HTR2C: variants seen among roughly 807,000 people sequenced by gnomAD.
HTR2C encodes 5-hydroxytryptamine (serotonin) receptor 2C, G protein-coupled.
In HTR2C, 5 loss-of-function variants were observed where a neutral mutation model predicts 21.0. The observed-to-expected ratio is 0.24, with a 90% CI of 0.12 to 0.50. HTR2C has a LOEUF of 0.50. Among genes scored for constraint, HTR2C ranks in the 20% least tolerant of loss-of-function variants. The pLI, the probability that HTR2C is intolerant of heterozygous loss-of-function variation, is 0.98. For missense variants in HTR2C, 271 were observed against 371.2 expected, an observed-to-expected ratio of 0.73 and a Z score of 2.22; for synonymous variants, 150 against 145.3, an observed-to-expected ratio of 1.03 and a Z score of -0.23.
At chrX:114,701,647 A>G (rs1471603174) in intron 2 of HTR2C, among the ~76,000 whole-genome samples, 2 of 112,319 alleles carry the variant, frequency 1.8e-5, no homozygotes, top group East Asian at 5.6e-4. Context: ...TCTAAAAAGC[A>G]GAGCACCTCT....
At chrX:114,791,681 G>C (rs1556443649) in intron 4 of HTR2C, among the ~76,000 whole-genome samples, 1 of 110,740 alleles carries the variant, frequency 9.0e-6, no homozygotes, top group East Asian at 2.8e-4. Context: ...ACTAGGTGCT[G>C]GGTTTACAGT....
intron 2 of HTR2C, among the ~76,000 whole-genome samples, chrX:114,662,124 G>A (rs1931011579): frequency 9.0e-6 from 1 of 111,532 alleles, no homozygotes; most frequent in South Asian, 3.7e-4. Context: ...ATATTCGGTA[G>A]GAATACAAAA....
intron 5 of HTR2C, among the ~76,000 whole-genome samples, chrX:114,880,276 T>C (rs1345311014): frequency 9.0e-6 from 1 of 110,834 alleles, no homozygotes; most frequent in African/African-American, 3.3e-5. Context: ...TCTGGACATT[T>C]CTTATAAATG....
Position 114,829,691 on chromosome X carries a change from G to A in HTR2C, c.350-18312G>A, listed in dbSNP as rs1006936133. Among the ~76,000 whole-genome samples the A allele has an allele frequency of 8.1e-5, 9 of 111,389 alleles. No individual in the cohort carries two copies. In the Admixed American group the frequency reaches 8.6e-4, roughly 11 times the overall value. On this transcript the variant is annotated intron_variant, in intron 4 of 5. Coordinates refer to ENST00000276198, the MANE Select transcript of HTR2C (RefSeq NM_000868.4). The stretch of plus-strand genomic sequence containing the variant: ...AGGGTTCAACTTCAATCTTTTGCAC[G>A]TGATATCTACATGCAATTTTCCCAG...
intron 2 of HTR2C, among the ~76,000 whole-genome samples, chrX:114,619,687 A>G (rs2147809456): frequency 9.0e-6 from 1 of 111,392 alleles, no homozygotes; most frequent in South Asian, 3.8e-4. Context: ...TTCTGGGATC[A>G]GGGAAGACTT....
intron 5 of HTR2C, among the ~76,000 whole-genome samples, chrX:114,906,191 G>A (rs782207453): frequency 2.9e-4 from 32 of 111,998 alleles, no homozygotes; most frequent in African/African-American, 1.0e-3. Flanking sequence ...CTTTATTAAT[G>A]TCATCAAGTA....
chrX:114,731,622 A>G lies in HTR2C; in HGVS notation c.349+15A>G, dbSNP rs1209369630. On this transcript the variant is annotated intron_variant, in intron 4 of 5. Transcript: ENST00000276198. Reference sequence around the variant, plus strand: ...AATCCTTTATGGTAAGTACAATTTTATTCACTTTTCAATCTCGTATAATGT... The same window carrying G: ...AATCCTTTATGGTAAGTACAATTTTGTTCACTTTTCAATCTCGTATAATGT... The G allele has an allele frequency of 9.0e-7, 1 of 1,105,466 alleles. No homozygotes were observed. The highest frequency in any genetic ancestry group is 1.2e-6 in the Non-Finnish European group (1 of 813,029). 91.1% of individuals were successfully genotyped at this position (1,105,466 alleles called of 1,213,427 possible). A position where few individuals can be genotyped will look rare whatever the true frequency, so the allele number is the denominator to read the frequency against.
chrX:114,834,752 T>C (rs1272775090), intron 4 of HTR2C, among the ~76,000 whole-genome samples: 23 of 107,364 alleles, frequency 2.1e-4, no homozygotes, highest in African/African-American at 7.8e-4. Flanking sequence ...GTCATTATGA[T>C]GTTAGCTGGG....
intron 2 of HTR2C, among the ~76,000 whole-genome samples, chrX:114,615,881 G>T (rs1423043018): frequency 9.0e-6 from 1 of 111,597 alleles, no homozygotes; most frequent in African/African-American, 3.3e-5. Context: ...TCATAATGTG[G>T]CAATATCTTA....
At chrX:114,842,437 T>C (rs2070841842) in intron 4 of HTR2C, among the ~76,000 whole-genome samples, 1 of 112,352 alleles carries the variant, frequency 8.9e-6, no homozygotes, top group Non-Finnish European at 1.9e-5. Flanking sequence ...GGCACAAGCA[T>C]TGTTTGCAAC....
At chrX:114,881,597 A>G (rs1364608354) in intron 5 of HTR2C, among the ~76,000 whole-genome samples, 16 of 109,514 alleles carry the variant, frequency 1.5e-4, no homozygotes, top group African/African-American at 4.9e-4. Context: ...TGAAAAGACT[A>G]TTATTTCCTT....
intron 2 of HTR2C, among the ~76,000 whole-genome samples, chrX:114,654,678 A>G (rs1930718194): frequency 9.1e-6 from 1 of 110,486 alleles, no homozygotes. Flanking sequence ...CCCTCCCTTC[A>G]AAGAGATAAC....
chrX:114,692,840 G>A (rs1243261365), intron 2 of HTR2C, among the ~76,000 whole-genome samples: 5 of 111,466 alleles, frequency 4.5e-5, no homozygotes, highest in African/African-American at 1.6e-4. Context: ...TTCTTTGAAA[G>A]CCAATGGCTC....
intron 4 of HTR2C, among the ~76,000 whole-genome samples, chrX:114,798,838 T>A (rs1371256343): frequency 9.0e-6 from 1 of 111,403 alleles, no homozygotes; most frequent in African/African-American, 3.3e-5. Context: ...CTACCTTATA[T>A]GTCTAAATCC....
intron 4 of HTR2C, among the ~76,000 whole-genome samples, chrX:114,752,047 A>G (rs2147368323): frequency 8.9e-6 from 1 of 112,483 alleles, no homozygotes; most frequent in Admixed American, 9.4e-5. Context: ...CAGACATATC[A>G]GATATATAAC....
rs377745349 is a variant in HTR2C, at chrX:114,776,242, A to T, written c.349+44635A>T. On this transcript the variant is annotated intron_variant, in intron 4 of 5. Coordinates refer to ENST00000276198, the MANE Select transcript of HTR2C (RefSeq NM_000868.4). Reference sequence around the variant, plus strand: ...TGTCTAAGCCGTAAGCAATATCAGCAGCACTTGGCTCATTGATAATTCTAA... The same window carrying T: ...TGTCTAAGCCGTAAGCAATATCAGCTGCACTTGGCTCATTGATAATTCTAA... 1.4e-4 allele frequency: 82 copies of T among 565,781 alleles called. No homozygotes were observed. The Middle Eastern group carries it at 1.9e-3, about 13-fold the overall frequency. The allele number at this position is 565,781 out of a possible 1,213,427, so 46.6% of individuals were successfully genotyped here. A position where few individuals can be genotyped will look rare whatever the true frequency, so the allele number is the denominator to read the frequency against.
chrX:114,804,152 G>A (rs1220115060), intron 4 of HTR2C, among the ~76,000 whole-genome samples: 2 of 111,473 alleles, frequency 1.8e-5, no homozygotes, highest in African/African-American at 3.3e-5. Flanking sequence ...CATGAACGAG[G>A]GGACAGTTCC....
chrX:114,672,321 G>A (rs1931408726), intron 2 of HTR2C, among the ~76,000 whole-genome samples: 1 of 110,852 alleles, frequency 9.0e-6, no homozygotes, highest in African/African-American at 3.3e-5. Flanking sequence ...GAGCCCAGGA[G>A]TTAAAAGTGG....
At chrX:114,833,389 G>T (rs1425821480) in intron 4 of HTR2C, among the ~76,000 whole-genome samples, 2 of 109,711 alleles carry the variant, frequency 1.8e-5, no homozygotes, top group Non-Finnish European at 3.8e-5. Context: ...CCTGTTATTG[G>T]TCTGTTCAGA....
Sources: allele counts gnomAD v4.1 joint callset (sites outside exome capture counted in the v4.1 genomes callset), GRCh38; gene constraint gnomAD v4.1.1; transcripts MANE v1.5; gene names NCBI Gene and HGNC (gene_info 2026-07-23, HGNC 2026-07-21).